The following TNIK variants were observed in gnomAD, a reference collection of about 807,000 sequenced individuals.
TNIK encodes the protein TRAF2 and NCK-interacting protein kinase.
A neutral mutation model predicts 191.3 loss-of-function variants in TNIK; 49 were observed. That is an observed-to-expected ratio of 0.26 (90% CI 0.20 to 0.32). TNIK has a LOEUF of 0.32. Ranked by LOEUF, TNIK falls within the 10% of genes least tolerant of loss-of-function variation. The pLI is 1.00. For synonymous variants in TNIK, 594 were observed against 600.9 expected, an observed-to-expected ratio of 0.99 and a Z score of 0.17; for missense variants, 1,155 against 1,702.3, an observed-to-expected ratio of 0.68 and a Z score of 5.66.
At chr3:171,092,268 G>C (rs1385189623) in intron 23 of TNIK, among the ~76,000 whole-genome samples, 1 of 152,120 alleles carries the variant, frequency 6.6e-6, no homozygotes, top group Non-Finnish European at 1.5e-5. Context: ...TTTTCAAAGT[G>C]ACAGGTTGTG....
chr3:171,427,547 A>G (rs1020509043), intron 1 of TNIK, among the ~76,000 whole-genome samples: 1 of 152,178 alleles, frequency 6.6e-6, no homozygotes, highest in Non-Finnish European at 1.5e-5. Context: ...AAATACAACA[A>G]CATATTAAAG....
Position 171,411,014 on chromosome 3 carries a change from T to C in TNIK, c.58-41329A>G, listed in dbSNP as rs1290620963. Among the ~76,000 whole-genome samples, 4 of 151,716 alleles carry C rather than the reference T, an allele frequency of 2.6e-5. No individual in the cohort carries two copies. The East Asian group carries it at 7.7e-4, about 29-fold the overall frequency. ...GGGCTAATGGCAGAATGAGCCCCAG[T>C]GGATCAGATTTGTGCACATGTAGAT... On this transcript the variant is annotated intron_variant, in intron 1 of 32. Coordinates refer to ENST00000436636, the MANE Select transcript of TNIK (RefSeq NM_015028.4).
At chr3:171,079,305 C>T (rs895365058) in intron 28 of TNIK, among the ~76,000 whole-genome samples, 9 of 152,120 alleles carry the variant, frequency 5.9e-5, no homozygotes, top group African/African-American at 2.2e-4. Flanking sequence ...TATAAATGTT[C>T]AAACTGGAGC....
intron 1 of TNIK, among the ~76,000 whole-genome samples, chr3:171,383,307 G>A (rs1718308761): frequency 6.6e-6 from 1 of 152,162 alleles, no homozygotes; most frequent in Admixed American, 6.5e-5. Context: ...CCCACTGAGG[G>A]CAACAGAATT....
chr3:171,423,674 T>A (rs1218980764), intron 1 of TNIK, among the ~76,000 whole-genome samples: 1 of 152,094 alleles, frequency 6.6e-6, no homozygotes, highest in Admixed American at 6.6e-5. Context: ...TCAGAAATAA[T>A]GCCACATATC....
intron 2 of TNIK, among the ~76,000 whole-genome samples, chr3:171,324,891 G>A (rs961174551): frequency 3.9e-5 from 6 of 152,144 alleles, no homozygotes; most frequent in African/African-American, 7.2e-5. Flanking sequence ...GAGGTCAGGA[G>A]ATCGAGACCA....
At chr3:171,407,005 G>C (rs1331754552) in intron 1 of TNIK, among the ~76,000 whole-genome samples, 1 of 152,236 alleles carries the variant, frequency 6.6e-6, no homozygotes, top group Non-Finnish European at 1.5e-5. Flanking sequence ...TGGGGGAATG[G>C]GAGTGAGGAG....
intron 21 of TNIK, among the ~76,000 whole-genome samples, chr3:171,106,006 G>A (rs1017927568): frequency 1.1e-4 from 17 of 152,154 alleles, no homozygotes; most frequent in South Asian, 2.1e-4. Flanking sequence ...TCCACACACC[G>A]CAAACATGCG....
intron 18 of TNIK, among the ~76,000 whole-genome samples, chr3:171,116,867 C>CT (rs1726780746): frequency 6.6e-6 from 1 of 152,166 alleles, no homozygotes; most frequent in African/African-American, 2.4e-5. Context: ...AACTGATCAC[C>CT]TTCACAGCAT....
rs1358329502 is a variant in TNIK, at chr3:171,430,793, A to T, written c.57+29214T>A. Among the ~76,000 whole-genome samples, 18 of 152,082 alleles carry T rather than the reference A, an allele frequency of 1.2e-4. 1 individual carries two copies. Among genetic ancestry groups the T allele is most frequent in the Admixed American group, 1.2e-3 (18 of 15,266 alleles). ...AATATTAAATAGCTTAATCTTATTAATTGGATGAGAATCTTCTTTTACATT... is the reference window on the plus strand; with the variant it reads ...AATATTAAATAGCTTAATCTTATTATTTGGATGAGAATCTTCTTTTACATT... On this transcript the variant is annotated intron_variant, in intron 1 of 32. Coordinates refer to ENST00000436636, the MANE Select transcript of TNIK (RefSeq NM_015028.4).
At chr3:171,079,071 G>C (rs1391623923) in intron 28 of TNIK, among the ~76,000 whole-genome samples, 3 of 152,154 alleles carry the variant, frequency 2.0e-5, no homozygotes, top group African/African-American at 7.2e-5. Context: ...TGGGGCCTTA[G>C]TTCCTGGGCC....
chr3:171,329,954 T>C (rs1756231976), intron 2 of TNIK, among the ~76,000 whole-genome samples: 1 of 152,166 alleles, frequency 6.6e-6, no homozygotes, highest in Admixed American at 6.5e-5. Flanking sequence ...ACTTTGAAAA[T>C]CTGTGCAATG....
chr3:171,369,713 ATT>A (rs1206264603), intron 1 of TNIK, 28 bp from the exon 2 acceptor site: 1 of 1,526,040 alleles, frequency 6.6e-7, no homozygotes, highest in Admixed American at 2.0e-5. Context: ...AACAATAAAA[ATT>A]CAAAACAATA....
At chr3:171,429,649 T>C (rs1187395553) in intron 1 of TNIK, among the ~76,000 whole-genome samples, 1 of 152,196 alleles carries the variant, frequency 6.6e-6, no homozygotes, top group Non-Finnish European at 1.5e-5. Context: ...ACAGCAAGAA[T>C]CACTTCTTCC....
Position 171,087,294 on chromosome 3 carries a change from C to T in TNIK, c.2886+48G>A, listed in dbSNP as rs1309258958. 6.8e-6 allele frequency: 11 copies of T among 1,608,454 alleles called. No homozygotes were observed. The African/African-American group carries it at 1.3e-4, about 20-fold the overall frequency. ...TTGAAGAGATCATGGTTTTAGAACC[C>T]CAGGAAGGACAGCAGAACTGTCATG... On this transcript the variant is annotated intron_variant, in intron 24 of 32. Coordinates refer to ENST00000436636, the MANE Select transcript of TNIK (RefSeq NM_015028.4).
intron 15 of TNIK, among the ~76,000 whole-genome samples, chr3:171,129,473 T>G (rs1728951933): frequency 6.6e-6 from 1 of 152,212 alleles, no homozygotes; most frequent in Non-Finnish European, 1.5e-5. Context: ...TTAGGGGTCT[T>G]TCTTTCCAGT....
intron 17 of TNIK, among the ~76,000 whole-genome samples, chr3:171,124,642 G>A (rs1042133975): frequency 3.3e-5 from 5 of 152,152 alleles, no homozygotes; most frequent in Non-Finnish European, 5.9e-5. Context: ...ACATAAAGAT[G>A]AGTCAGTAAA....
At chr3:171,213,365 G>A (rs1358588171) in intron 3 of TNIK, among the ~76,000 whole-genome samples, 2 of 152,106 alleles carry the variant, frequency 1.3e-5, no homozygotes, top group Non-Finnish European at 2.9e-5. Context: ...CATTAAAAAG[G>A]CAACTACGTG....
At chr3:171,096,863 T>TAACA (rs1722792884) in intron 22 of TNIK, among the ~76,000 whole-genome samples, 1 of 152,220 alleles carries the variant, frequency 6.6e-6, no homozygotes. Flanking sequence ...GTTTAATGTC[T>TAACA]AACAGAGATT....
Sources: gnomAD v4.1 joint callset for allele counts (sites outside exome capture counted in the v4.1 genomes callset) on GRCh38, gnomAD v4.1.1 for gene constraint, MANE v1.5 for transcripts, NCBI Gene and HGNC (gene_info 2026-07-23, HGNC 2026-07-21) for gene names.